Variants in GRM7 observed in about 807,000 individuals in gnomAD.
GRM7 encodes the protein glutamate metabotropic receptor 7.
GRM7 carries 35 observed loss-of-function variants against 84.5 expected under a neutral mutation model. The ratio of observed to expected loss-of-function variants is 0.41; its 90% CI spans 0.32 to 0.55. The LOEUF (loss-of-function observed/expected upper bound fraction) is 0.55, where lower values mean the gene tolerates loss of function less well. GRM7 is among the 20% of genes least tolerant of loss of function. The pLI, the probability that GRM7 is intolerant of heterozygous loss-of-function variation, is 0.19. For synonymous variants in GRM7, 487 were observed against 455.1 expected (o/e 1.07, Z -0.89); for missense variants, 1,003 against 1,194.6 (o/e 0.84, Z 2.36).
intron 7 of GRM7, among the ~76,000 whole-genome samples, chr3:7,507,174 AG>A (rs963273461): frequency 3.9e-5 from 6 of 152,164 alleles, no homozygotes; most frequent in African/African-American, 1.4e-4. Flanking sequence ...ATTTCAGAAA[AG>A]GGGATTAAAT....
intron 2 of GRM7, among the ~76,000 whole-genome samples, chr3:7,266,218 T>A (rs2124968707): frequency 6.6e-6 from 1 of 152,316 alleles, no homozygotes; most frequent in South Asian, 2.1e-4. Flanking sequence ...AAATCCCAAG[T>A]ACAGGTTCAA....
chr3:7,313,670 A>G lies in GRM7; in HGVS notation c.1033+7018A>G, dbSNP rs886555535. ...GTAGAGTGAAAGTTCAGATAGCTTCAAGACAGATTGTTACCTTTGCTATTA... is the reference window on the plus strand; with the variant it reads ...GTAGAGTGAAAGTTCAGATAGCTTCGAGACAGATTGTTACCTTTGCTATTA... On this transcript the variant is annotated intron_variant, in intron 4 of 9. Coordinates refer to ENST00000357716, the MANE Select transcript of GRM7 (RefSeq NM_000844.4). Among the ~76,000 whole-genome samples the G allele has an allele frequency of 3.9e-5, 6 of 152,282 alleles. No individual in the cohort carries two copies. The East Asian group carries it at 5.8e-4, about 15-fold the overall frequency.
At chr3:7,128,016 G>C (rs1351233759) in intron 1 of GRM7, among the ~76,000 whole-genome samples, 1 of 151,850 alleles carries the variant, frequency 6.6e-6, no homozygotes, top group Non-Finnish European at 1.5e-5. Context: ...TAATTTTAGA[G>C]AGATAAAGGT....
chr3:7,670,655 C>T (rs1321526809), intron 8 of GRM7, among the ~76,000 whole-genome samples: 1 of 192 alleles, frequency 5.2e-3, no homozygotes, highest in Non-Finnish European at 0.01. Context: ...TAAAATTTGG[C>T]AAGATTGACA....
chr3:7,437,132 C>T (rs368287887), intron 5 of GRM7, among the ~76,000 whole-genome samples: 2 of 152,152 alleles, frequency 1.3e-5, no homozygotes, highest in Non-Finnish European at 2.9e-5. Flanking sequence ...AGTGGCAGAA[C>T]CAAAATTTGA....
intron 2 of GRM7, among the ~76,000 whole-genome samples, chr3:7,169,099 G>A (rs1694900378): frequency 6.6e-6 from 1 of 152,096 alleles, no homozygotes; most frequent in Admixed American, 6.5e-5. Flanking sequence ...GTCCTTTGCT[G>A]TTCCAGTGGC....
chr3:7,155,376 G>A (rs995718), intron 2 of GRM7, among the ~76,000 whole-genome samples: 9,755 of 151,932 alleles, frequency 0.064, 797 homozygotes, highest in African/African-American at 0.18. Context: ...GCTCCCCACT[G>A]TTCCACCCCC....
At chr3:7,585,261 G>A (rs1201919005) in intron 8 of GRM7, among the ~76,000 whole-genome samples, 2 of 152,168 alleles carry the variant, frequency 1.3e-5, no homozygotes, top group Non-Finnish European at 2.9e-5. Context: ...GTTGCCTGCT[G>A]TGACCTTGGT....
At chr3:6,889,902 A>G (rs866635793) in intron 1 of GRM7, among the ~76,000 whole-genome samples, 5 of 152,286 alleles carry the variant, frequency 3.3e-5, no homozygotes, top group Middle Eastern at 6.8e-3. Flanking sequence ...TATTGCCACA[A>G]TTTCAGAGCC....
intron 7 of GRM7, among the ~76,000 whole-genome samples, chr3:7,571,146 C>T (rs535346667): frequency 6.6e-6 from 1 of 152,300 alleles, no homozygotes; most frequent in South Asian, 2.1e-4. Flanking sequence ...GATGGTCTGC[C>T]AAGAAGACCT....
At chr3:7,409,822 G>A (rs1369350492) in intron 4 of GRM7, among the ~76,000 whole-genome samples, 1 of 152,092 alleles carries the variant, frequency 6.6e-6, no homozygotes, top group East Asian at 1.9e-4. Context: ...GGATGGTCTC[G>A]ATCTCCTGAC....
At chr3:7,431,975 G>C (rs1696849122) in intron 5 of GRM7, among the ~76,000 whole-genome samples, 1 of 152,122 alleles carries the variant, frequency 6.6e-6, no homozygotes, top group Non-Finnish European at 1.5e-5. Context: ...CATAAAGTTA[G>C]GTTAGGGGAC....
At chr3:7,628,022 C>A (rs989844233) in intron 8 of GRM7, among the ~76,000 whole-genome samples, 1 of 152,078 alleles carries the variant, frequency 6.6e-6, no homozygotes, top group African/African-American at 2.4e-5. Context: ...ACACTCCATC[C>A]CCTGCCACCC....
intron 1 of GRM7, among the ~76,000 whole-genome samples, chr3:7,135,052 G>C (rs941599276): frequency 6.6e-6 from 1 of 152,134 alleles, no homozygotes; most frequent in Non-Finnish European, 1.5e-5. Flanking sequence ...AAAAAGAGTT[G>C]CAATAATTGA....
At chr3:7,149,992 A>G (rs138920038) in intron 2 of GRM7, among the ~76,000 whole-genome samples, 91 of 152,260 alleles carry the variant, frequency 6.0e-4, no homozygotes, top group African/African-American at 2.1e-3. Flanking sequence ...GTCATGATGT[A>G]AGATGGATAT....
intron 1 of GRM7, among the ~76,000 whole-genome samples, chr3:6,864,916 T>C (rs1490231976): frequency 6.6e-6 from 1 of 152,232 alleles, no homozygotes; most frequent in Non-Finnish European, 1.5e-5. Context: ...ATTTGACTGC[T>C]GGTGTACCAG....
At chr3:7,085,310 A>T (rs1325763462) in intron 1 of GRM7, among the ~76,000 whole-genome samples, 1 of 152,156 alleles carries the variant, frequency 6.6e-6, no homozygotes, top group Non-Finnish European at 1.5e-5. Context: ...CTATTTCCCC[A>T]TTGTTTGAAA....
chr3:7,468,486 A>G (rs1253097326), intron 7 of GRM7, among the ~76,000 whole-genome samples: 1 of 152,194 alleles, frequency 6.6e-6, no homozygotes, highest in African/African-American at 2.4e-5. Context: ...TTAATAAATA[A>G]TATATATAAC....
intron 4 of GRM7, among the ~76,000 whole-genome samples, chr3:7,407,862 G>C (rs891514505): frequency 1.3e-5 from 2 of 152,052 alleles, no homozygotes; most frequent in Non-Finnish European, 2.9e-5. Context: ...AAAGTACAAA[G>C]TTTCTTAAAT....
Sources: allele counts gnomAD v4.1 joint callset (sites outside exome capture counted in the v4.1 genomes callset), GRCh38; gene constraint gnomAD v4.1.1; transcripts MANE v1.5; gene names NCBI Gene and HGNC (gene_info 2026-07-23, HGNC 2026-07-21).